Variants in RAPGEF6 observed in about 807,000 individuals in gnomAD.
RAPGEF6 encodes PDZ domain containing guanine nucleotide exchange factor (GEF) 2.
A neutral mutation model predicts 171.4 loss-of-function variants in RAPGEF6; 56 were observed. The observed-to-expected ratio is 0.33, with a 90% confidence interval of 0.26 to 0.41. The LOEUF (loss-of-function observed/expected upper bound fraction) is 0.41. RAPGEF6 is among the 10% of genes least tolerant of loss of function. The pLI, the probability that RAPGEF6 is intolerant of heterozygous loss-of-function variation, is 1.00. For missense variants in RAPGEF6, 1,674 were observed against 1,921.4 expected, an observed-to-expected ratio of 0.87 and a Z score of 2.41; for synonymous variants, 692 against 650.1, an observed-to-expected ratio of 1.06 and a Z score of -0.98.
chr5:131,431,477 T>C, intron 25 of RAPGEF6, 128 bp from the exon 26 acceptor site: 1 of 972,288 alleles, frequency 1.0e-6, no homozygotes, highest in Non-Finnish European at 1.5e-6. Flanking sequence ...AATAACATCG[T>C]GAGGAAAACA....
At chr5:131,584,713 C>T (rs891297619) in intron 4 of RAPGEF6, among the ~76,000 whole-genome samples, 3 of 152,222 alleles carry the variant, frequency 2.0e-5, no homozygotes, top group Non-Finnish European at 2.9e-5. Context: ...CCAGGACCCA[C>T]AGACCTCCTG....
chr5:131,632,911 T>C (rs544788022), intron 1 of RAPGEF6, among the ~76,000 whole-genome samples: 3 of 152,386 alleles, frequency 2.0e-5, no homozygotes, highest in Middle Eastern at 3.4e-3. Context: ...TTCTGTGTAC[T>C]GTGGGCAGCT....
chr5:131,572,225 C>T (rs949006378), intron 4 of RAPGEF6, among the ~76,000 whole-genome samples: 4 of 152,150 alleles, frequency 2.6e-5, no homozygotes, highest in African/African-American at 9.7e-5. Flanking sequence ...TGTCCTCACG[C>T]TCCCTCCGTG....
chr5:131,516,072 T>C (rs1580951522), intron 7 of RAPGEF6, among the ~76,000 whole-genome samples: 1 of 8,568 alleles, frequency 1.2e-4, no homozygotes. Flanking sequence ...TTTTTTTTTT[T>C]TTTTTTTTTT....
At chr5:131,624,912 C>T (rs1163567159) in intron 1 of RAPGEF6, among the ~76,000 whole-genome samples, 2 of 151,626 alleles carry the variant, frequency 1.3e-5, no homozygotes, top group East Asian at 1.9e-4. Flanking sequence ...CACTTGAGGT[C>T]GGGAGTTCGA....
At chr5:131,496,633 C>A (rs930271318) in intron 12 of RAPGEF6, among the ~76,000 whole-genome samples, 1 of 152,176 alleles carries the variant, frequency 6.6e-6, no homozygotes, top group Non-Finnish European at 1.5e-5. Flanking sequence ...TGATTGGCTT[C>A]TTTTACTTAG....
intron 4 of RAPGEF6, among the ~76,000 whole-genome samples, chr5:131,573,323 T>C (rs1045871860): frequency 1.3e-5 from 2 of 152,142 alleles, no homozygotes; most frequent in South Asian, 2.1e-4. Context: ...GCTGAAGGCA[T>C]AGTCAGGGTA....
rs562757106 is a variant in RAPGEF6 at position 131,629,782 on chromosome 5, GA to G, written c.69+5179del. ...AAAAAGAAAAAAAAAAAAAAGGAAA[GA>G]AAAAAAAAAGAAATGAAGATGGAGC... On this transcript the variant is annotated intron_variant, in intron 1 of 27. Coordinates refer to ENST00000509018, the MANE Select transcript of RAPGEF6 (RefSeq NM_016340.6). 3.8e-3 allele frequency among the ~76,000 whole-genome samples: 546 copies of G among 143,150 alleles called. 3 individuals are homozygous for G. Among genetic ancestry groups the G allele is most frequent in the African/African-American group, 0.013 (500 of 38,966 alleles). 93.9% of individuals were successfully genotyped at this position (143,150 alleles called of 152,430 possible).
At chr5:131,599,811 A>C (rs973762565) in intron 3 of RAPGEF6, among the ~76,000 whole-genome samples, 3 of 152,206 alleles carry the variant, frequency 2.0e-5, no homozygotes, top group Admixed American at 2.0e-4. Flanking sequence ...GAAAAACTAC[A>C]TACACCAGGA....
chr5:131,620,703 G>A (rs1264636229), intron 1 of RAPGEF6, among the ~76,000 whole-genome samples: 2 of 151,516 alleles, frequency 1.3e-5, no homozygotes, highest in East Asian at 1.9e-4. Context: ...CAATTCTCAC[G>A]CCTCAGCCTC....
intron 1 of RAPGEF6, among the ~76,000 whole-genome samples, chr5:131,628,044 T>C (rs1372513427): frequency 6.6e-6 from 1 of 152,174 alleles, no homozygotes; most frequent in Non-Finnish European, 1.5e-5. Context: ...CCCTATTCCC[T>C]GAGACATAAC....
At chr5:131,517,780 TACACACACACACACACACACAC>T (rs36091456) in intron 7 of RAPGEF6, among the ~76,000 whole-genome samples, 6 of 140,396 alleles carry the variant, frequency 4.3e-5, no homozygotes, top group East Asian at 2.1e-4. Flanking sequence ...TTCGCGCATG[TACACACACACACACACACACAC>T]ACACACACAC....
At chr5:131,626,714 A>G (rs1765952596) in intron 1 of RAPGEF6, among the ~76,000 whole-genome samples, 2 of 152,002 alleles carry the variant, frequency 1.3e-5, no homozygotes, top group African/African-American at 4.8e-5. Flanking sequence ...TCCTCTCTAC[A>G]ACCTTGGTTT....
intron 7 of RAPGEF6, among the ~76,000 whole-genome samples, chr5:131,514,556 T>G (rs756739083): frequency 4.6e-5 from 7 of 151,826 alleles, no homozygotes; most frequent in Non-Finnish European, 8.8e-5. Context: ...ATAATGAAAG[T>G]AAGAGACAAG....
chr5:131,467,825 A>G lies in RAPGEF6; in HGVS notation c.2240-3544T>C, dbSNP rs115005999. 4.2e-3 allele frequency among the ~76,000 whole-genome samples: 639 copies of G among 152,314 alleles called. 7 individuals are homozygous for G. The highest frequency in any genetic ancestry group is 0.015 in the African/African-American group (605 of 41,566). The stretch of plus-strand genomic sequence containing the variant: ...GGTGGGCAGACCACTTGAGCCCAGG[A>G]GATCAAAACCAGCCTGGGGAACATG... On this transcript the variant is annotated intron_variant, in intron 17 of 27. Coordinates refer to ENST00000509018, the MANE Select transcript of RAPGEF6 (RefSeq NM_016340.6).
chr5:131,578,017 G>A (rs1359882498), intron 4 of RAPGEF6, among the ~76,000 whole-genome samples: 2 of 151,950 alleles, frequency 1.3e-5, no homozygotes, highest in African/African-American at 2.4e-5. Context: ...TCAACTACTC[G>A]TAAATGCCCT....
At chr5:131,628,170 C>T (rs892292246) in intron 1 of RAPGEF6, among the ~76,000 whole-genome samples, 4 of 152,036 alleles carry the variant, frequency 2.6e-5, no homozygotes, top group African/African-American at 9.7e-5. Flanking sequence ...CTTAGGAAGG[C>T]TAACAACGGC....
At chr5:131,461,638 A>G in intron 19 of RAPGEF6, 67 bp downstream of exon 19, 1 of 1,422,070 alleles carries the variant, frequency 7.0e-7, no homozygotes, top group Non-Finnish European at 9.5e-7. Flanking sequence ...TGAATACCTA[A>G]GTAGAAAATC....
chr5:131,469,889 C>A, intron 17 of RAPGEF6: 2 of 1,211,278 alleles, frequency 1.7e-6, no homozygotes, highest in Non-Finnish European at 2.3e-6. Flanking sequence ...AGCTTTGCCC[C>A]CACTTTCATT....
Sources: allele counts gnomAD v4.1 joint callset (sites outside exome capture counted in the v4.1 genomes callset), GRCh38; gene constraint gnomAD v4.1.1; transcripts MANE v1.5; gene names NCBI Gene and HGNC (gene_info 2026-07-23, HGNC 2026-07-21).